The following CIB1 variants were observed in gnomAD, a reference collection of about 807,000 sequenced individuals.
CIB1 encodes the protein calcium and integrin binding 1.
In CIB1, 19 loss-of-function variants were observed where a neutral mutation model predicts 25.0. That is an observed-to-expected ratio of 0.76 (90% CI 0.53 to 1.12). The LOEUF is 1.12. Ranked by LOEUF, CIB1 falls within the 50% of genes most tolerant of loss-of-function variation. CIB1 has a pLI of 0.00. For missense variants in CIB1, 236 were observed against 242.6 expected (o/e 0.97, Z 0.18); for synonymous variants, 104 against 98.5 (o/e 1.06, Z -0.33).
chr15:90,251,114 C>CTTTTT, the CIB1 span, among the ~76,000 whole-genome samples: 4 of 104,670 alleles, frequency 3.8e-5, no homozygotes, highest in Non-Finnish European at 5.5e-5. Flanking sequence ...CCTGGTCTGT[C>CTTTTT]TTTTTTTTTT....
chr15:90,256,590 TTTCTTTCTTTCTTTCTTTCCTTCC>T, the CIB1 span, among the ~76,000 whole-genome samples: 66 of 33,356 alleles, frequency 2.0e-3, no homozygotes, highest in Non-Finnish European at 3.2e-3. Context: ...TCTTTCTTTC[TTTCTTTCTTTCTTTCTTTCCTTCC>T]TTCCTTCCTT....
the CIB1 span, among the ~76,000 whole-genome samples, chr15:90,253,914 T>C: frequency 6.6e-6 from 1 of 152,212 alleles, no homozygotes; most frequent in Non-Finnish European, 1.5e-5. Flanking sequence ...GGCTTATTCT[T>C]TGGGGAAGCC....
the CIB1 span, among the ~76,000 whole-genome samples, chr15:90,249,214 CAAAA>C: frequency 0.29 from 25,910 of 88,550 alleles, 2,913 homozygotes; most frequent in East Asian, 0.62. Flanking sequence ...GACCCCGTCT[CAAAA>C]AAAAAAAAAA....
the CIB1 span, chr15:90,262,752 TCTC>T: frequency 1.5e-6 from 2 of 1,309,774 alleles, no homozygotes; most frequent in Non-Finnish European, 2.0e-6. Flanking sequence ...TCTGCTGTCT[TCTC>T]CTCCCCATGC....
At chr15:90,257,625 CTCTT>C in the CIB1 span, 1 of 1,613,710 alleles carries the variant, frequency 6.2e-7, no homozygotes, top group Admixed American at 1.7e-5. Context: ...CACAGGGCCA[CTCTT>C]TCCACAGGAC....
the CIB1 span, chr15:90,242,061 C>CAAT: frequency 1.9e-6 from 3 of 1,598,206 alleles, no homozygotes; most frequent in South Asian, 2.2e-5. Context: ...CCAGGAAGAG[C>CAAT]AATAATACTT....
chr15:90,240,109 G>A, the CIB1 span, among the ~76,000 whole-genome samples: 1 of 145,078 alleles, frequency 6.9e-6, no homozygotes, highest in Non-Finnish European at 1.5e-5. Flanking sequence ...TATAATCCCA[G>A]CTACTTGGGA....
At chr15:90,261,310 C>T in the CIB1 span, among the ~76,000 whole-genome samples, 1 of 151,004 alleles carries the variant, frequency 6.6e-6, no homozygotes, top group South Asian at 2.1e-4. Flanking sequence ...AATTCCCAAC[C>T]TCAAGTGATC....
At chr15:90,241,858 A>T in the CIB1 span, 6 of 1,614,086 alleles carry the variant, frequency 3.7e-6, no homozygotes, top group African/African-American at 8.0e-5. Context: ...TGGGCCCGGA[A>T]GTCCAGCTTT....
the CIB1 span, among the ~76,000 whole-genome samples, chr15:90,260,850 CAA>C: frequency 4.3e-4 from 26 of 60,208 alleles, no homozygotes; most frequent in Non-Finnish European, 5.3e-4. Context: ...GACTCTGTCT[CAA>C]AAAAAAAAAA....
rs562237879 is a variant in CIB1, at chr15:90,231,459, C to T, written c.244G>A (p.Ala82Thr). 2,336 of 1,614,224 alleles carry T rather than the reference C, an allele frequency of 1.4e-3. 53 individuals are homozygous for T. The South Asian group carries it at 0.024, about 17-fold the overall frequency. ...RICRVFSTSPAKDSLSFEDFL... is the reference protein window; with the variant it reads ...RICRVFSTSPTKDSLSFEDFL... ...TCCTCAAAGCTAAGGCTGTCTTTGG[C>T]TGGGGATGTGGAGAAGACCCTGCAG... The change falls in exon 4 of 7, where the codon GCC becomes ACC. Residue 82 changes from alanine to threonine, a missense_variant. Ala to Thr is a moderately conservative substitution (Grantham distance 58). Coordinates refer to ENST00000328649, the MANE Select transcript of CIB1 (RefSeq NM_006384.4).
the CIB1 span, chr15:90,245,312 TAAAAACAC>T: frequency 2.0e-5 from 3 of 151,862 alleles, no homozygotes; most frequent in Non-Finnish European, 2.9e-5. Flanking sequence ...CCGTCTCTAC[TAAAAACAC>T]AAAAATTAGC....
At chr15:90,232,439 T>C in intron 2 of CIB1, 112 bp from the exon 3 acceptor site, 1 of 1,436,884 alleles carries the variant, frequency 7.0e-7, no homozygotes, top group Non-Finnish European at 9.1e-7. Flanking sequence ...TAAAACCACG[T>C]ACACAGAACT....
Position 90,230,183 on chromosome 15 carries a change from A to T in CIB1, c.*301T>A, listed in dbSNP as rs1804763644. On this transcript the variant is annotated 3_prime_UTR_variant, in exon 7 of 7. Transcript: ENST00000328649. ...CGATATGCTGCTTATTCCTAGGATG[A>T]TTGAAGGCTCTTAGAAGAGAAGTCC... The T allele has an allele frequency of 2.2e-6, 1 of 458,234 alleles. No homozygotes were observed. Among genetic ancestry groups the T allele is most frequent in the African/African-American group, 2.0e-5 (1 of 50,364 alleles). 28.4% of individuals were successfully genotyped at this position (458,234 alleles called of 1,614,324 possible).
the CIB1 span, among the ~76,000 whole-genome samples, chr15:90,261,091 T>C: frequency 6.6e-6 from 1 of 151,156 alleles, no homozygotes; most frequent in Non-Finnish European, 1.5e-5. Flanking sequence ...TTCTTTTTTT[T>C]TTTTTTGAGA....
At chr15:90,263,801 TGGTGCTCCTAA>T in the CIB1 span, 1 of 707,416 alleles carries the variant, frequency 1.4e-6, no homozygotes, top group East Asian at 2.7e-5. Context: ...CTGGTCCTAC[TGGTGCTCCTAA>T]GAGGGGCTGC....
chr15:90,261,298 C>T, the CIB1 span, among the ~76,000 whole-genome samples: 3 of 150,782 alleles, frequency 2.0e-5, no homozygotes, highest in Non-Finnish European at 4.4e-5. Flanking sequence ...AGGCTGGTCT[C>T]GAATTCCCAA....
chr15:90,264,042 A>G, the CIB1 span: 2 of 1,535,108 alleles, frequency 1.3e-6, no homozygotes, highest in Admixed American at 3.9e-5. Context: ...CCAGTGCCAG[A>G]ATCAGGCTCA....
At chr15:90,240,780 C>T in the CIB1 span, 1 of 670,920 alleles carries the variant, frequency 1.5e-6, no homozygotes, top group Admixed American at 3.0e-5. Flanking sequence ...TGCCACTGCA[C>T]TCCAGCCTGG....
Sources: allele counts gnomAD v4.1 joint callset (sites outside exome capture counted in the v4.1 genomes callset), GRCh38; gene constraint gnomAD v4.1.1; transcripts MANE v1.5; gene names NCBI Gene and HGNC (gene_info 2026-07-23, HGNC 2026-07-21).